The following PTPRG variants were observed in gnomAD, a reference collection of about 807,000 sequenced individuals.
The protein encoded by PTPRG is receptor-type tyrosine-protein phosphatase gamma.
A neutral mutation model predicts 165.3 loss-of-function variants in PTPRG; 102 were observed. The ratio of observed to expected loss-of-function variants is 0.62; its 90% CI spans 0.53 to 0.73. PTPRG has a LOEUF of 0.73. Ranked by LOEUF, PTPRG falls within the 30% of genes least tolerant of loss-of-function variation. PTPRG has a pLI of 0.00. For synonymous variants in PTPRG, 675 were observed against 669.5 expected (o/e 1.01, Z -0.13); for missense variants, 1,866 against 1,861.4 (o/e 1.00, Z -0.05).
chr3:61,837,684 G>T (rs1331759375), intron 2 of PTPRG, among the ~76,000 whole-genome samples: 2 of 152,182 alleles, frequency 1.3e-5, no homozygotes, highest in Non-Finnish European at 2.9e-5. Flanking sequence ...TCACTTGAGG[G>T]TGCTTTCACT....
chr3:62,048,272 A>G (rs1700361523), intron 4 of PTPRG, among the ~76,000 whole-genome samples: 1 of 152,218 alleles, frequency 6.6e-6, no homozygotes, highest in Non-Finnish European at 1.5e-5. Flanking sequence ...CAGTGTCTAC[A>G]CAAGCCAAAA....
At chr3:62,236,187 T>C (rs1027210678) in intron 14 of PTPRG, among the ~76,000 whole-genome samples, 1 of 152,234 alleles carries the variant, frequency 6.6e-6, no homozygotes, top group Non-Finnish European at 1.5e-5. Flanking sequence ...AGAACTTACA[T>C]TGGGCTCCTT....
intron 2 of PTPRG, among the ~76,000 whole-genome samples, chr3:61,951,741 G>A (rs1218017286): frequency 1.3e-5 from 2 of 152,202 alleles, no homozygotes; most frequent in African/African-American, 2.4e-5. Context: ...GAGAGGCTGT[G>A]CTCTGTTGCT....
chr3:62,121,380 G>C (rs560005572), intron 5 of PTPRG, among the ~76,000 whole-genome samples: 1 of 152,062 alleles, frequency 6.6e-6, no homozygotes, highest in Non-Finnish European at 1.5e-5. Context: ...AGGTTTTTCA[G>C]GGGGGTGATC....
At chr3:61,779,709 G>C in intron 2 of PTPRG, among the ~76,000 whole-genome samples, 1 of 152,158 alleles carries the variant, frequency 6.6e-6, no homozygotes, top group East Asian at 1.9e-4. Flanking sequence ...ATTCCAAGAA[G>C]TTTATGTTGC....
intron 4 of PTPRG, among the ~76,000 whole-genome samples, chr3:62,052,791 T>C (rs1256288428): frequency 6.6e-6 from 1 of 152,220 alleles, no homozygotes; most frequent in African/African-American, 2.4e-5. Flanking sequence ...GTTACTTGAC[T>C]TTAAAAAGAC....
At position 62,191,454 on chromosome 3, in the gene PTPRG, C is replaced by T. The variant is rs1699817205; in HGVS notation, c.1034-15C>T. The stretch of plus-strand genomic sequence containing the variant: ...GTTCTGAAAGCTCCCTGAGCTGAGC[C>T]CTGTGTATCTTCAGTTTGCAGCTCT... On this transcript the variant is annotated splice_polypyrimidine_tract_variant and intron_variant, in intron 8 of 29. Transcript: ENST00000474889. 1.2e-6 allele frequency: 2 copies of T among 1,612,030 alleles called. No homozygotes were observed. The highest frequency in any genetic ancestry group is 1.7e-6 in the Non-Finnish European group (2 of 1,179,322).
At chr3:62,100,445 A>G (rs1000442232) in intron 5 of PTPRG, among the ~76,000 whole-genome samples, 2 of 151,976 alleles carry the variant, frequency 1.3e-5, no homozygotes, top group African/African-American at 4.8e-5. Flanking sequence ...ACCCACCCCT[A>G]CGCTGTCATT....
intron 8 of PTPRG, among the ~76,000 whole-genome samples, chr3:62,179,812 A>T (rs1389766173): frequency 2.0e-5 from 3 of 152,212 alleles, no homozygotes; most frequent in African/African-American, 7.2e-5. Context: ...ACCATACCAG[A>T]TAGGGCCATC....
chr3:62,159,590 T>C (rs547595573), intron 7 of PTPRG, among the ~76,000 whole-genome samples: 2 of 152,318 alleles, frequency 1.3e-5, no homozygotes, highest in African/African-American at 4.8e-5. Context: ...GAAAGTGCTT[T>C]TTAAATATCT....
chr3:62,244,851 C>A (rs1016699623), intron 15 of PTPRG, among the ~76,000 whole-genome samples: 1 of 152,082 alleles, frequency 6.6e-6, no homozygotes, highest in African/African-American at 2.4e-5. Context: ...CATGAATGAA[C>A]GTTAGAAAAA....
intron 2 of PTPRG, among the ~76,000 whole-genome samples, chr3:61,988,023 T>G (rs1205439176): frequency 6.6e-6 from 1 of 152,170 alleles, no homozygotes; most frequent in Non-Finnish European, 1.5e-5. Context: ...ACAGTTGTAA[T>G]CGTGCAGTGA....
chr3:61,898,520 G>C (rs577154765), intron 2 of PTPRG, among the ~76,000 whole-genome samples: 2 of 152,132 alleles, frequency 1.3e-5, no homozygotes, highest in Non-Finnish European at 2.9e-5. Flanking sequence ...GTTGAAGCAG[G>C]TTCTATTAGA....
intron 2 of PTPRG, among the ~76,000 whole-genome samples, chr3:61,857,089 CTTT>C: frequency 6.8e-6 from 1 of 146,712 alleles, no homozygotes; most frequent in East Asian, 2.0e-4. Flanking sequence ...TGTCTAGTAT[CTTT>C]TTTTTTTTAC....
chr3:62,031,165 G>A (rs140192970), intron 4 of PTPRG, among the ~76,000 whole-genome samples: 2 of 152,328 alleles, frequency 1.3e-5, no homozygotes, highest in East Asian at 3.9e-4. Context: ...ACCAGCTTAT[G>A]TGTCAGGTGA....
chr3:62,009,253 A>C (rs1320518328), intron 4 of PTPRG, among the ~76,000 whole-genome samples: 1 of 152,194 alleles, frequency 6.6e-6, no homozygotes, highest in Non-Finnish European at 1.5e-5. Context: ...TGACACAAGC[A>C]GGTTAAATCA....
intron 1 of PTPRG, among the ~76,000 whole-genome samples, chr3:61,626,680 G>A (rs528281925): frequency 8.5e-5 from 13 of 152,158 alleles, no homozygotes; most frequent in Admixed American, 7.9e-4. Flanking sequence ...TCCTGCTGCT[G>A]GGTGCCAAAG....
intron 2 of PTPRG, among the ~76,000 whole-genome samples, chr3:61,792,084 G>C (rs917552522): frequency 2.4e-4 from 37 of 152,130 alleles, no homozygotes; most frequent in African/African-American, 8.0e-4. Context: ...TCAGAGTGTA[G>C]GAGTTTTTAG....
At chr3:62,034,644 T>G (rs1355421333) in intron 4 of PTPRG, among the ~76,000 whole-genome samples, 2 of 152,216 alleles carry the variant, frequency 1.3e-5, no homozygotes, top group African/African-American at 2.4e-5. Flanking sequence ...TCTGTTCTGA[T>G]GGAAACTTGT....
Sources: gnomAD v4.1 joint callset for allele counts (sites outside exome capture counted in the v4.1 genomes callset) on GRCh38, gnomAD v4.1.1 for gene constraint, MANE v1.5 for transcripts, NCBI Gene and HGNC (gene_info 2026-07-23, HGNC 2026-07-21) for gene names.